Variants in CNTN4 observed in about 807,000 individuals in gnomAD.
The protein encoded by CNTN4 is contactin 4, also known as contactin-4.
In CNTN4, 77 loss-of-function variants were observed where a neutral mutation model predicts 122.5. The observed-to-expected ratio is 0.63, with a 90% CI of 0.52 to 0.76. The LOEUF (loss-of-function observed/expected upper bound fraction) is 0.76, where lower values mean the gene tolerates loss of function less well. Ranked by LOEUF, CNTN4 falls within the 30% of genes least tolerant of loss-of-function variation. CNTN4 has a pLI of 0.00. For missense variants in CNTN4, 1,256 were observed against 1,259.1 expected, an observed-to-expected ratio of 1.00 and a Z score of 0.04; for synonymous variants, 512 against 447.0, an observed-to-expected ratio of 1.15 and a Z score of -1.83.
At chr3:2,747,178 G>C (rs972592594) in intron 6 of CNTN4, among the ~76,000 whole-genome samples, 3 of 152,052 alleles carry the variant, frequency 2.0e-5, no homozygotes, top group African/African-American at 7.2e-5. Flanking sequence ...GGGAGGCCGA[G>C]GCGGGCGGAT....
chr3:2,441,740 C>A (rs535443197), intron 3 of CNTN4, among the ~76,000 whole-genome samples: 30 of 152,234 alleles, frequency 2.0e-4, no homozygotes, highest in Middle Eastern at 6.8e-3. Flanking sequence ...AGATTTTCAT[C>A]ATATTTTACC....
intron 14 of CNTN4, among the ~76,000 whole-genome samples, chr3:3,004,863 C>A (rs1696456290): frequency 6.6e-6 from 1 of 152,208 alleles, no homozygotes; most frequent in African/African-American, 2.4e-5. Flanking sequence ...GGCAGTGGTC[C>A]TGTACCTGTA....
intron 2 of CNTN4, among the ~76,000 whole-genome samples, chr3:2,138,835 T>G (rs2125321968): frequency 6.6e-6 from 1 of 152,340 alleles, no homozygotes; most frequent in East Asian, 1.9e-4. Flanking sequence ...GAGCCAATTC[T>G]TTGTAATAAA....
intron 2 of CNTN4, among the ~76,000 whole-genome samples, chr3:2,293,207 G>A (rs2042195141): frequency 6.6e-6 from 1 of 152,080 alleles, no homozygotes; most frequent in Admixed American, 6.6e-5. Flanking sequence ...ACATATTTTT[G>A]TACAAAAAGC....
chr3:2,433,038 G>A lies in CNTN4; in HGVS notation c.-89+93805G>A, dbSNP rs185497399. On this transcript the variant is annotated intron_variant, in intron 3 of 24. Transcript: ENST00000418658. ...GGGTTTTGCCGTGTTGCTCAAGTTGGTCTGGAACTCCTGGGCTCAAGCAAT... is the reference window on the plus strand; with the variant it reads ...GGGTTTTGCCGTGTTGCTCAAGTTGATCTGGAACTCCTGGGCTCAAGCAAT... 2.6e-5 allele frequency among the ~76,000 whole-genome samples: 4 copies of A among 152,040 alleles called. No homozygotes were observed. In the East Asian group the frequency reaches 7.7e-4, roughly 29 times the overall value.
At chr3:2,892,974 C>A (rs572630305) in intron 10 of CNTN4, among the ~76,000 whole-genome samples, 1 of 152,128 alleles carries the variant, frequency 6.6e-6, no homozygotes, top group Non-Finnish European at 1.5e-5. Flanking sequence ...CCTGCCAATA[C>A]AACATTTTAA....
intron 4 of CNTN4, among the ~76,000 whole-genome samples, chr3:2,676,008 A>C (rs1018763953): frequency 6.6e-6 from 1 of 152,214 alleles, no homozygotes; most frequent in African/African-American, 2.4e-5. Context: ...ATTTTAAAAT[A>C]ATATAATGAT....
chr3:2,834,654 T>G (rs936004401), intron 7 of CNTN4, among the ~76,000 whole-genome samples: 8 of 151,938 alleles, frequency 5.3e-5, no homozygotes, highest in African/African-American at 1.9e-4. Flanking sequence ...AAAGCATACA[T>G]GAAGTATAGA....
chr3:2,716,724 C>T (rs569774010), intron 4 of CNTN4, among the ~76,000 whole-genome samples: 30 of 152,256 alleles, frequency 2.0e-4, no homozygotes, highest in Admixed American at 2.0e-3. Flanking sequence ...TATCCACTTC[C>T]AGAATATTTC....
intron 4 of CNTN4, among the ~76,000 whole-genome samples, chr3:2,695,762 C>T (rs2085994844): frequency 6.6e-6 from 1 of 152,140 alleles, no homozygotes; most frequent in African/African-American, 2.4e-5. Flanking sequence ...ACTGTGGGAG[C>T]ACTCGGGTAA....
chr3:2,120,874 A>G (rs1461815012), intron 2 of CNTN4, among the ~76,000 whole-genome samples: 1 of 152,162 alleles, frequency 6.6e-6, no homozygotes, highest in East Asian at 1.9e-4. Flanking sequence ...CAAGGAAGTC[A>G]CTAAATGTTT....
intron 3 of CNTN4, among the ~76,000 whole-genome samples, chr3:2,436,894 T>A (rs4404434): frequency 6.6e-6 from 1 of 150,446 alleles, no homozygotes; most frequent in Non-Finnish European, 1.5e-5. Context: ...AATTGGTAGA[T>A]TGAAAATAAA....
At chr3:2,455,183 C>G (rs1575668210) in intron 3 of CNTN4, among the ~76,000 whole-genome samples, 1 of 152,226 alleles carries the variant, frequency 6.6e-6, no homozygotes, top group Admixed American at 6.5e-5. Flanking sequence ...TTGAACACAG[C>G]AAGGGCTGTG....
intron 4 of CNTN4, among the ~76,000 whole-genome samples, chr3:2,646,276 C>A (rs943971817): frequency 6.6e-6 from 1 of 152,086 alleles, no homozygotes; most frequent in African/African-American, 2.4e-5. Context: ...AATGAATATT[C>A]AATTTCTAGG....
At chr3:2,632,037 C>A (rs1231677887) in intron 4 of CNTN4, among the ~76,000 whole-genome samples, 1 of 150,856 alleles carries the variant, frequency 6.6e-6, no homozygotes, top group Non-Finnish European at 1.5e-5. Context: ...GGGGACAGAG[C>A]AAGACCCTGT....
chr3:2,784,610 G>T (rs1459454280), intron 6 of CNTN4, among the ~76,000 whole-genome samples: 1 of 150,254 alleles, frequency 6.7e-6, no homozygotes, highest in East Asian at 2.0e-4. Flanking sequence ...AGCACTGAAA[G>T]AACATCAAGC....
chr3:2,377,158 GAA>G (rs34629012), intron 3 of CNTN4, among the ~76,000 whole-genome samples: 17,551 of 138,950 alleles, frequency 0.13, 1,260 homozygotes, highest in Middle Eastern at 0.17. Flanking sequence ...CCATCTCAAG[GAA>G]AAAAAAAAAA....
At chr3:2,234,902 A>G (rs1165695794) in intron 2 of CNTN4, among the ~76,000 whole-genome samples, 2 of 152,152 alleles carry the variant, frequency 1.3e-5, no homozygotes, top group African/African-American at 4.8e-5. Context: ...GAGACCAGAA[A>G]CTTGTCTTTC....
intron 13 of CNTN4, among the ~76,000 whole-genome samples, chr3:2,963,885 C>T (rs538082241): frequency 6.6e-6 from 1 of 152,284 alleles, no homozygotes; most frequent in East Asian, 1.9e-4. Context: ...GCAGGGCCCA[C>T]AGTGGATGCT....
Sources: gnomAD v4.1 joint callset for allele counts (sites outside exome capture counted in the v4.1 genomes callset) on GRCh38, gnomAD v4.1.1 for gene constraint, MANE v1.5 for transcripts, NCBI Gene and HGNC (gene_info 2026-07-23, HGNC 2026-07-21) for gene names.